Variants in DPP10 observed in about 807,000 individuals in gnomAD.
DPP10 encodes the protein dipeptidyl peptidase like 10.
In DPP10, 33 loss-of-function variants were observed where a neutral mutation model predicts 120.9. That is an observed-to-expected ratio of 0.27 (90% CI 0.21 to 0.37). The LOEUF is 0.37. Among genes scored for constraint, DPP10 ranks in the 10% least tolerant of loss-of-function variants. The pLI is 1.00. For missense variants in DPP10, 816 were observed against 942.8 expected (o/e 0.87, Z 1.76); for synonymous variants, 337 against 326.1 (o/e 1.03, Z -0.36).
At chr2:115,336,597 C>A (rs556151328) in intron 2 of DPP10, among the ~76,000 whole-genome samples, 2,272 of 148,902 alleles carry the variant, frequency 0.015, 63 homozygotes, top group African/African-American at 0.053. Context: ...CTCTCTCTCT[C>A]TCTATATATA....
chr2:114,510,258 G>C (rs1024690040), intron 1 of DPP10, among the ~76,000 whole-genome samples: 9 of 152,102 alleles, frequency 5.9e-5, no homozygotes, highest in African/African-American at 2.2e-4. Context: ...TTCTCAACTT[G>C]GGCCTTCTCA....
chr2:114,537,548 GC>G (rs1463118392), intron 1 of DPP10, among the ~76,000 whole-genome samples: 1 of 152,088 alleles, frequency 6.6e-6, no homozygotes, highest in Non-Finnish European at 1.5e-5. Context: ...CCCTTGAGAT[GC>G]ATCCTCGTGG....
intron 1 of DPP10, among the ~76,000 whole-genome samples, chr2:115,189,132 G>A (rs1040667159): frequency 2.0e-5 from 3 of 152,084 alleles, no homozygotes; most frequent in Non-Finnish European, 4.4e-5. Context: ...TCTATAGAAG[G>A]GTGTGACTTG....
chr2:115,617,874 ATAAC>A lies in DPP10; in HGVS notation c.442-71809_442-71806del, dbSNP rs1293656397. Among the ~76,000 whole-genome samples the A allele has an allele frequency of 3.9e-5, 6 of 152,326 alleles. No homozygotes were observed. In the East Asian group the frequency reaches 1.2e-3, roughly 29 times the overall value. On this transcript the variant is annotated intron_variant, in intron 5 of 25. Coordinates refer to ENST00000410059, the MANE Select transcript of DPP10 (RefSeq NM_020868.6). Reference sequence around the variant, plus strand: ...TACACACAGTAGGAAATTAATCACAATAACTAATAATAAAATAGAACTATTGTAA... The same window carrying A: ...TACACACAGTAGGAAATTAATCACAATAATAATAAAATAGAACTATTGTAA...
chr2:115,072,235 G>A (rs573574866), intron 1 of DPP10, among the ~76,000 whole-genome samples: 1 of 152,264 alleles, frequency 6.6e-6, no homozygotes, highest in South Asian at 2.1e-4. Flanking sequence ...TGAAGAGGCT[G>A]ACAATCAGAC....
chr2:114,519,116 A>T (rs1684842376), intron 1 of DPP10, among the ~76,000 whole-genome samples: 1 of 152,234 alleles, frequency 6.6e-6, no homozygotes, highest in South Asian at 2.1e-4. Flanking sequence ...ATTGATAGGA[A>T]TTGTTTCCTT....
intron 1 of DPP10, among the ~76,000 whole-genome samples, chr2:114,593,618 A>C (rs1394297103): frequency 6.6e-6 from 1 of 152,130 alleles, no homozygotes; most frequent in Non-Finnish European, 1.5e-5. Context: ...TTAATTGACA[A>C]ATAATAATTG....
chr2:115,795,945 C>CT (rs1559163854), intron 19 of DPP10, among the ~76,000 whole-genome samples: 1 of 152,090 alleles, frequency 6.6e-6, no homozygotes, highest in Admixed American at 6.6e-5. Flanking sequence ...CTTTTCCACT[C>CT]TGCTGCTAGG....
intron 5 of DPP10, among the ~76,000 whole-genome samples, chr2:115,663,699 A>T (rs753074959): frequency 6.6e-6 from 1 of 152,156 alleles, no homozygotes; most frequent in Non-Finnish European, 1.5e-5. Flanking sequence ...TCTTATATCT[A>T]CATATAATAC....
At chr2:115,233,775 A>G (rs2057859397) in intron 1 of DPP10, among the ~76,000 whole-genome samples, 2 of 152,116 alleles carry the variant, frequency 1.3e-5, no homozygotes, top group Admixed American at 1.3e-4. Context: ...ACTCCATAGA[A>G]TTTCCACAGC....
chr2:115,244,870 T>A (rs888282196), intron 1 of DPP10, among the ~76,000 whole-genome samples: 7 of 151,534 alleles, frequency 4.6e-5, no homozygotes, highest in Non-Finnish European at 8.8e-5. Flanking sequence ...TTCATTAGTT[T>A]GGGGGAACAG....
At chr2:115,716,400 C>G (rs2149592371) in intron 7 of DPP10, among the ~76,000 whole-genome samples, 1 of 152,206 alleles carries the variant, frequency 6.6e-6, no homozygotes, top group Middle Eastern at 3.4e-3. Context: ...AGTTGTATCC[C>G]ATTGTAACAG....
chr2:115,152,473 AG>A lies in DPP10; in HGVS notation c.61-156765del, dbSNP rs1354046632. Among the ~76,000 whole-genome samples the A allele has an allele frequency of 2.0e-5, 3 of 152,276 alleles. No homozygotes were observed. In the East Asian group the frequency reaches 5.8e-4, roughly 29 times the overall value. ...CTGTTGCTCATTTTTGTATAAATTTAGTTTTTTTGAACTTTTAGATAGGTAA... is the reference window on the plus strand; with the variant it reads ...CTGTTGCTCATTTTTGTATAAATTTATTTTTTTGAACTTTTAGATAGGTAA... On this transcript the variant is annotated intron_variant, in intron 1 of 25. Transcript: ENST00000410059.
At chr2:114,968,798 A>G (rs1017321697) in intron 1 of DPP10, among the ~76,000 whole-genome samples, 2 of 152,154 alleles carry the variant, frequency 1.3e-5, no homozygotes, top group African/African-American at 4.8e-5. Context: ...ACTATAAAGG[A>G]TTTTTCCAAC....
intron 1 of DPP10, among the ~76,000 whole-genome samples, chr2:115,168,520 A>G (rs1233537247): frequency 1.3e-5 from 2 of 152,204 alleles, no homozygotes; most frequent in Non-Finnish European, 2.9e-5. Context: ...GATTATTCCC[A>G]GCATACTCTT....
At chr2:115,464,778 T>C (rs1340354222) in intron 3 of DPP10, among the ~76,000 whole-genome samples, 2 of 152,112 alleles carry the variant, frequency 1.3e-5, no homozygotes, top group Non-Finnish European at 2.9e-5. Flanking sequence ...CTTGGCCTTA[T>C]GGAATCCTTG....
At chr2:115,797,564 A>C (rs552355196) in intron 19 of DPP10, among the ~76,000 whole-genome samples, 1 of 152,124 alleles carries the variant, frequency 6.6e-6, no homozygotes, top group African/African-American at 2.4e-5. Context: ...TCAAAGCTTA[A>C]ATTTTAGGTT....
rs70941057 is a variant in DPP10 at position 115,415,841 on chromosome 2, TTATATATATA to T, written c.271+71955_271+71964del. 8.5e-4 allele frequency among the ~76,000 whole-genome samples: 63 copies of T among 74,290 alleles called. 1 individual carries two copies. Among genetic ancestry groups the T allele is most frequent in the East Asian group, 5.0e-3 (12 of 2,414 alleles). The allele number at this position is 74,290 out of a possible 152,430, so 48.7% of individuals were successfully genotyped here. ...ATCTGTCTTTATACCTGATTTGCTT[TTATATATATA>T]TATATATATATATATATATATATAT... is the stretch of plus-strand genomic sequence containing the variant. On this transcript the variant is annotated intron_variant, in intron 3 of 25. Transcript: ENST00000410059.
At chr2:115,750,725 T>G (rs1575674050) in intron 10 of DPP10, among the ~76,000 whole-genome samples, 1 of 152,314 alleles carries the variant, frequency 6.6e-6, no homozygotes, top group African/African-American at 2.4e-5. Flanking sequence ...ATTCACCACA[T>G]TTGTACTCGT....
Sources: gnomAD v4.1 joint callset for allele counts (sites outside exome capture counted in the v4.1 genomes callset) on GRCh38, gnomAD v4.1.1 for gene constraint, MANE v1.5 for transcripts, NCBI Gene and HGNC (gene_info 2026-07-23, HGNC 2026-07-21) for gene names.